FANCC: variants seen among roughly 807,000 people sequenced by gnomAD.
The protein encoded by FANCC is FA complementation group C, also known as Fanconi anemia group C protein.
A neutral mutation model predicts 71.3 loss-of-function variants in FANCC; 55 were observed. The ratio of observed to expected loss-of-function variants is 0.77; its 90% CI spans 0.62 to 0.97. The LOEUF (loss-of-function observed/expected upper bound fraction) is 0.97, where lower values mean the gene tolerates loss of function less well. Ranked by LOEUF, FANCC falls within the 50% of genes least tolerant of loss-of-function variation. The probability of loss-of-function intolerance (pLI) is 0.00; values close to 1 mark genes in which losing one functional copy is unlikely to be tolerated. For missense variants in FANCC, 678 were observed against 670.9 expected, an observed-to-expected ratio of 1.01 and a Z score of -0.12; for synonymous variants, 275 against 244.9, an observed-to-expected ratio of 1.12 and a Z score of -1.15.
At chr9:95,287,781 T>G (rs1337286165) in intron 1 of FANCC, among the ~76,000 whole-genome samples, 1 of 152,192 alleles carries the variant, frequency 6.6e-6, no homozygotes, top group Non-Finnish European at 1.5e-5. Flanking sequence ...TTCTCTTTCT[T>G]GTGTACAACA....
intron 4 of FANCC, among the ~76,000 whole-genome samples, chr9:95,205,654 G>A (rs1042005471): frequency 1.0e-4 from 15 of 150,638 alleles, no homozygotes; most frequent in Non-Finnish European, 1.8e-4. Context: ...AACTCCTCCC[G>A]AGAGAAACTA....
chr9:95,199,261 C>A (rs1332816890), intron 4 of FANCC, among the ~76,000 whole-genome samples: 1 of 152,008 alleles, frequency 6.6e-6, no homozygotes, highest in Non-Finnish European at 1.5e-5. Flanking sequence ...TACTTAAAAT[C>A]CTTTCCTCCT....
At chr9:95,161,264 CAGGAAGG>C (rs370634416) in intron 6 of FANCC, among the ~76,000 whole-genome samples, 1 of 152,152 alleles carries the variant, frequency 6.6e-6, no homozygotes, top group Non-Finnish European at 1.5e-5. Flanking sequence ...CTGACTCCAA[CAGGAAGG>C]AGGAAGGAGG....
chr9:95,128,910 T>A (rs996680619), intron 8 of FANCC, among the ~76,000 whole-genome samples: 5 of 127,716 alleles, frequency 3.9e-5, no homozygotes, highest in Non-Finnish European at 7.8e-5. Context: ...ACCAGTCTCC[T>A]TTTTTTTTTT....
intron 3 of FANCC, among the ~76,000 whole-genome samples, chr9:95,241,803 G>A (rs2136055882): frequency 6.6e-6 from 1 of 152,220 alleles, no homozygotes; most frequent in East Asian, 1.9e-4. Context: ...GGGACCACAG[G>A]TGTGTGCCAC....
chr9:95,179,574 T>C (rs1316201163), intron 4 of FANCC, among the ~76,000 whole-genome samples: 1 of 152,184 alleles, frequency 6.6e-6, no homozygotes, highest in Non-Finnish European at 1.5e-5. Flanking sequence ...CTCGAACTCC[T>C]GGCCTCAAGT....
At position 95,198,821 on chromosome 9, in the gene FANCC, T is replaced by A. The variant is rs547229144; in HGVS notation, c.346-26674A>T. 1.5e-4 allele frequency among the ~76,000 whole-genome samples: 23 copies of A among 152,294 alleles called. No individual in the cohort carries two copies. In the South Asian group the frequency reaches 4.3e-3, roughly 29 times the overall value. On this transcript the variant is annotated intron_variant, in intron 4 of 14. Transcript: ENST00000289081. ...GGCGCCATTACAGCTTATTACAGCCTCCACCTCCTGGGCTCAGGTGATCCT... is the reference window on the plus strand; with the variant it reads ...GGCGCCATTACAGCTTATTACAGCCACCACCTCCTGGGCTCAGGTGATCCT...
At chr9:95,215,273 C>T (rs918811537) in intron 4 of FANCC, among the ~76,000 whole-genome samples, 5 of 151,878 alleles carry the variant, frequency 3.3e-5, no homozygotes, top group African/African-American at 1.2e-4. Flanking sequence ...AAAACAAGAG[C>T]CTCTCTTAGG....
At chr9:95,305,391 G>A (rs1299544340) in intron 1 of FANCC, among the ~76,000 whole-genome samples, 1 of 151,998 alleles carries the variant, frequency 6.6e-6, no homozygotes. Flanking sequence ...AAACTAAGAA[G>A]AAAAAAACAG....
intron 7 of FANCC, among the ~76,000 whole-genome samples, chr9:95,136,197 C>T (rs958372723): frequency 2.0e-5 from 3 of 152,028 alleles, no homozygotes; most frequent in Non-Finnish European, 4.4e-5. Flanking sequence ...TCAAGACCAG[C>T]CTGGTCAAAT....
intron 4 of FANCC, among the ~76,000 whole-genome samples, chr9:95,176,482 C>T (rs1368881734): frequency 6.6e-6 from 1 of 152,240 alleles, no homozygotes; most frequent in African/African-American, 2.4e-5. Flanking sequence ...GTCCAATCCC[C>T]TCTGCCTGGG....
intron 7 of FANCC, among the ~76,000 whole-genome samples, chr9:95,144,574 T>C (rs1829261479): frequency 6.6e-6 from 1 of 152,132 alleles, no homozygotes; most frequent in African/African-American, 2.4e-5. Context: ...ACCAGGAGTA[T>C]TCACTTCCAG....
chr9:95,255,687 C>T (rs751440327), intron 1 of FANCC, among the ~76,000 whole-genome samples: 10 of 151,956 alleles, frequency 6.6e-5, no homozygotes, highest in African/African-American at 1.4e-4. Flanking sequence ...CAAAACTGGA[C>T]GGACAATTAG....
At chr9:95,176,960 G>T (rs1355051190) in intron 4 of FANCC, among the ~76,000 whole-genome samples, 4 of 152,220 alleles carry the variant, frequency 2.6e-5, no homozygotes, top group African/African-American at 7.2e-5. Context: ...GCTCCGTCTT[G>T]ACATTTGATA....
chr9:95,190,637 G>A (rs1827031528), intron 4 of FANCC, among the ~76,000 whole-genome samples: 1 of 152,182 alleles, frequency 6.6e-6, no homozygotes, highest in South Asian at 2.1e-4. Flanking sequence ...GGCTGCACCT[G>A]TACATCTCCA....
At chr9:95,147,602 T>C (rs907197807) in intron 7 of FANCC, among the ~76,000 whole-genome samples, 1 of 152,190 alleles carries the variant, frequency 6.6e-6, no homozygotes, top group Non-Finnish European at 1.5e-5. Context: ...ACAGAGAAAG[T>C]GGGCTAAACT....
intron 1 of FANCC, among the ~76,000 whole-genome samples, chr9:95,279,492 T>G (rs1833247003): frequency 7.0e-6 from 1 of 143,308 alleles, no homozygotes. Flanking sequence ...GGCAAGAGAG[T>G]GAGACCCTGT....
chr9:95,193,059 T>C (rs573753874), intron 4 of FANCC, among the ~76,000 whole-genome samples: 16 of 152,130 alleles, frequency 1.1e-4, no homozygotes, highest in Non-Finnish European at 1.8e-4. Context: ...CCAACAAGAG[T>C]TGAGGTGGCT....
chr9:95,193,132 T>G (rs1248727087), intron 4 of FANCC, among the ~76,000 whole-genome samples: 1 of 152,016 alleles, frequency 6.6e-6, no homozygotes, highest in Non-Finnish European at 1.5e-5. Context: ...CATATAGAAG[T>G]CAACAAGATG....
Sources: gnomAD v4.1 joint callset for allele counts (sites outside exome capture counted in the v4.1 genomes callset) on GRCh38, gnomAD v4.1.1 for gene constraint, MANE v1.5 for transcripts, NCBI Gene and HGNC (gene_info 2026-07-23, HGNC 2026-07-21) for gene names.